The following NEDD9 variants were observed in gnomAD, a reference collection of about 807,000 sequenced individuals.
NEDD9 encodes enhancer of filamentation 1.
Under a neutral mutation model 76.6 loss-of-function variants are expected in NEDD9, and 26 were observed. That is an observed-to-expected ratio of 0.34 (90% confidence interval 0.25 to 0.47). NEDD9 has a LOEUF of 0.47. Among genes scored for constraint, NEDD9 ranks in the 20% least tolerant of loss-of-function variants. NEDD9 has a pLI of 1.00. For synonymous variants in NEDD9, 392 were observed against 414.2 expected (o/e 0.95, Z 0.65); for missense variants, 937 against 1,058.5 (o/e 0.89, Z 1.59).
rs1176248024 is a variant in NEDD9, at chr6:11,213,898, T to C, written c.13-171A>G. Among the ~76,000 whole-genome samples the C allele has an allele frequency of 6.6e-6, 1 of 152,178 alleles. No homozygotes were observed. Among genetic ancestry groups the C allele is most frequent in the African/African-American group, 2.4e-5 (1 of 41,450 alleles). On this transcript the variant is annotated intron_variant, in intron 1 of 6. Transcript: ENST00000379446. The surrounding 1 kb of genome is among the most constrained non-coding windows in gnomAD (Gnocchi z 5.4). ...ATGGTGCAGACAAAAGACAGATACA[T>C]ATACACTGCATCTGCCACCAGTGAC...
chr6:11,307,430 G>C (rs906371712), intron 2 of NEDD9, among the ~76,000 whole-genome samples: 1 of 152,182 alleles, frequency 6.6e-6, no homozygotes, highest in African/African-American at 2.4e-5. Context: ...GAACCCATGT[G>C]TGGTTACCCC....
At chr6:11,380,273 A>G (rs1763039007) in intron 1 of NEDD9, among the ~76,000 whole-genome samples, 1 of 152,252 alleles carries the variant, frequency 6.6e-6, no homozygotes, top group Admixed American at 6.5e-5. Flanking sequence ...GTAGACCCCA[A>G]TGCAGAGTTC....
At chr6:11,233,450 A>G (rs753643651), upstream of NEDD9, 7 of 518,748 alleles carry the variant, frequency 1.3e-5, no homozygotes, top group South Asian at 4.2e-5. Flanking sequence ...TGCACGCCCT[A>G]TACATCATCA....
At chr6:11,225,167 A>G (rs2113778539) in intron 1 of NEDD9, among the ~76,000 whole-genome samples, 1 of 152,372 alleles carries the variant, frequency 6.6e-6, no homozygotes, top group East Asian at 1.9e-4. Context: ...CAAAAGGGCT[A>G]TCAAATATTT....
chr6:11,216,755 C>A (rs1293155707), intron 1 of NEDD9, among the ~76,000 whole-genome samples: 4 of 152,138 alleles, frequency 2.6e-5, no homozygotes, highest in African/African-American at 9.7e-5. Context: ...GCTAGATGGC[C>A]CTTGGGCTTC....
intron 1 of NEDD9, chr6:11,352,098 T>A (rs1007825994): frequency 2.6e-5 from 4 of 152,184 alleles, no homozygotes; most frequent in Non-Finnish European, 5.9e-5. Context: ...CCCTTTCCAG[T>A]CTCCCTGCTC....
At chr6:11,196,488 C>T (rs544003222) in intron 2 of NEDD9, among the ~76,000 whole-genome samples, 3 of 152,288 alleles carry the variant, frequency 2.0e-5, no homozygotes, top group East Asian at 1.9e-4. Flanking sequence ...TGGCAGAAAG[C>T]GCTAATGCTT....
chr6:11,323,721 CT>C (rs1175760489), intron 2 of NEDD9, among the ~76,000 whole-genome samples: 1 of 152,178 alleles, frequency 6.6e-6, no homozygotes. Flanking sequence ...AAGGAGGCCC[CT>C]AGGTGGCTAC....
At chr6:11,316,835 A>T (rs539272010) in intron 2 of NEDD9, among the ~76,000 whole-genome samples, 10 of 152,340 alleles carry the variant, frequency 6.6e-5, no homozygotes, top group Admixed American at 6.5e-4. Context: ...TGGGAGACGG[A>T]GCCGTTGGTA....
intron 6 of NEDD9, among the ~76,000 whole-genome samples, chr6:11,186,627 T>C (rs1757987749): frequency 6.8e-6 from 1 of 147,066 alleles, no homozygotes; most frequent in Admixed American, 6.6e-5. Context: ...TTTACTTTTC[T>C]TTTTTTTTGA....
chr6:11,190,927 G>T lies in NEDD9; in HGVS notation c.942C>A (p.Asn314Lys). Residue 314 changes from asparagine (N) to lysine (K), a missense_variant, in exon 5 of 7, where the codon AAC becomes AAA. Physicochemically the swap from Asn to Lys is moderately conservative, Grantham distance 94. Coordinates refer to ENST00000379446, the MANE Select transcript of NEDD9 (RefSeq NM_006403.4). This position sits in a 1 kb window ranked among gnomAD's most constrained non-coding sequence, Gnocchi z 5.8. Reference sequence around the variant, plus strand: ...CGCCTCGGGGGACATCATATGCGTCGTTCTGAGAGCCCACTGACTGTCCGA... The same window carrying T: ...CGCCTCGGGGGACATCATATGCGTCTTTCTGAGAGCCCACTGACTGTCCGA... ...PQLGQSVGSQ[N>K]DAYDVPRGVQ... 4 of 1,614,056 alleles carry T rather than the reference G, an allele frequency of 2.5e-6. No homozygotes were observed. The highest frequency in any genetic ancestry group is 3.4e-6 in the Non-Finnish European group (4 of 1,180,024).
In NEDD9 at chr6:11,370,207, G is replaced by A. The variant is rs1247537963; in HGVS notation, c.-214+11932C>T. Among the ~76,000 whole-genome samples the A allele has an allele frequency of 6.6e-6, 1 of 152,128 alleles. No homozygotes were observed. Among genetic ancestry groups the A allele is most frequent in the Non-Finnish European group, 1.5e-5 (1 of 68,024 alleles). The stretch of plus-strand genomic sequence containing the variant: ...AAGGAGGCCAGCCCCTGAATCACAG[G>A]CCTGCTTAGAGTAAAACGCTGCACC... On this transcript the variant is annotated intron_variant, in intron 1 of 3. Coordinates refer to the NEDD9 transcript ENST00000397378. The surrounding 1 kb of genome is among the most constrained non-coding windows in gnomAD (Gnocchi z 4.2).
chr6:11,341,989 G>T (rs1037760183), intron 1 of NEDD9, among the ~76,000 whole-genome samples: 1 of 152,064 alleles, frequency 6.6e-6, no homozygotes, highest in African/African-American at 2.4e-5. Context: ...ATTTTTAGTA[G>T]ATAAATGGGA....
intron 1 of NEDD9, among the ~76,000 whole-genome samples, chr6:11,377,565 GT>G (rs1238409092): frequency 1.3e-5 from 2 of 152,200 alleles, no homozygotes; most frequent in Non-Finnish European, 1.5e-5. Flanking sequence ...GAATGGTAAT[GT>G]TTGCCCAATA....
At chr6:11,259,836 T>C (rs1414096149) in intron 3 of NEDD9, among the ~76,000 whole-genome samples, 1 of 152,222 alleles carries the variant, frequency 6.6e-6, no homozygotes, top group East Asian at 1.9e-4. Flanking sequence ...GATGAGGATA[T>C]TGAGAATGAT....
chr6:11,320,031 C>G (rs1761751427), intron 2 of NEDD9, among the ~76,000 whole-genome samples: 1 of 152,170 alleles, frequency 6.6e-6, no homozygotes, highest in Non-Finnish European at 1.5e-5. Context: ...GGCCCTGTAT[C>G]CTTGGCTGTC....
At chr6:11,343,868 A>G (rs147183250) in intron 1 of NEDD9, among the ~76,000 whole-genome samples, 21 of 152,356 alleles carry the variant, frequency 1.4e-4, no homozygotes, top group African/African-American at 4.8e-4. Context: ...CATAGACTAA[A>G]TACACGGGCC....
chr6:11,263,906 A>G (rs1760157783), intron 3 of NEDD9, among the ~76,000 whole-genome samples: 2 of 152,164 alleles, frequency 1.3e-5, no homozygotes, highest in South Asian at 4.1e-4. Context: ...ACAATAATCC[A>G]TGTAGATATC....
intron 2 of NEDD9, among the ~76,000 whole-genome samples, chr6:11,313,347 T>C (rs1273487484): frequency 4.0e-5 from 6 of 150,002 alleles, no homozygotes; most frequent in African/African-American, 1.2e-4. Flanking sequence ...AGATAGTGGA[T>C]GGATGGCTGA....
Sources: gnomAD v4.1 joint callset for allele counts (sites outside exome capture counted in the v4.1 genomes callset) on GRCh38, gnomAD v4.1.1 for gene constraint, Gnocchi (gnomAD v3.1) non-coding constraint, MANE v1.5 for transcripts, NCBI Gene and HGNC (gene_info 2026-07-23, HGNC 2026-07-21) for gene names.